The following MYCBP2 variants were observed in gnomAD, a reference collection of about 807,000 sequenced individuals.
MYCBP2 encodes the protein MYC binding protein 2.
MYCBP2 carries 120 observed loss-of-function variants against 525.3 expected under a neutral mutation model. The ratio of observed to expected loss-of-function variants is 0.23; its 90% confidence interval spans 0.20 to 0.27. The LOEUF is 0.27. Ranked by LOEUF, MYCBP2 falls within the 10% of genes least tolerant of loss-of-function variation. The pLI is 1.00. For missense variants in MYCBP2, 4,149 were observed against 5,657.1 expected (o/e 0.73, Z 8.55); for synonymous variants, 1,894 against 1,955.8 (o/e 0.97, Z 0.83).
chr13:77,306,909 C>T (rs1265263136), intron 1 of MYCBP2, among the ~76,000 whole-genome samples: 3 of 151,756 alleles, frequency 2.0e-5, no homozygotes, highest in Non-Finnish European at 4.4e-5. Context: ...ACATGTGTAT[C>T]AAATTTAAAG....
At chr13:77,294,742 T>C (rs1342665106) in intron 2 of MYCBP2, among the ~76,000 whole-genome samples, 1 of 152,204 alleles carries the variant, frequency 6.6e-6, no homozygotes, top group Non-Finnish European at 1.5e-5. Context: ...TGCGCTCCAC[T>C]TCCCTCCTCT....
At chr13:77,161,855 A>G (rs772255097) in intron 44 of MYCBP2, 51 bp downstream of exon 44, 1 of 1,402,592 alleles carries the variant, frequency 7.1e-7, no homozygotes, top group Non-Finnish European at 1.0e-6. Flanking sequence ...GAGTGACAAT[A>G]CTTTTTAAAT....
chr13:77,258,420 G>C (rs1004748871), intron 13 of MYCBP2, among the ~76,000 whole-genome samples: 1 of 151,856 alleles, frequency 6.6e-6, no homozygotes, highest in Non-Finnish European at 1.5e-5. Flanking sequence ...AATATGTTTT[G>C]TATCAACTCT....
chr13:77,151,342 G>T (rs2056424205), intron 46 of MYCBP2, among the ~76,000 whole-genome samples: 1 of 152,156 alleles, frequency 6.6e-6, no homozygotes, highest in East Asian at 1.9e-4. Flanking sequence ...ACATTTTAAA[G>T]CACTAATGTC....
intron 4 of MYCBP2, among the ~76,000 whole-genome samples, chr13:77,275,762 T>C (rs1360669016): frequency 6.6e-6 from 1 of 152,136 alleles, no homozygotes; most frequent in Non-Finnish European, 1.5e-5. Context: ...GGTGGGCAAA[T>C]CACCTGAGGT....
intron 55 of MYCBP2, among the ~76,000 whole-genome samples, chr13:77,107,663 G>A (rs1376414892): frequency 6.6e-6 from 1 of 152,112 alleles, no homozygotes; most frequent in Non-Finnish European, 1.5e-5. Flanking sequence ...ACTAGAGCCT[G>A]GGAGAGGGAG....
Position 77,166,464 on chromosome 13 carries a change from T to A in MYCBP2, c.6205A>T (p.Ile2069Phe), listed in dbSNP as rs766213536. 6.2e-7 allele frequency: 1 copy of A among 1,614,022 alleles called. No individual in the cohort carries two copies. Among genetic ancestry groups the A allele is most frequent in the South Asian group, 1.1e-5 (1 of 91,062 alleles). The change falls in exon 41 of 83, where the codon ATT (isoleucine) becomes TTT (phenylalanine). Residue 2069 changes from isoleucine (I) to phenylalanine (F), a missense_variant. Physicochemically the swap from Ile to Phe is conservative, Grantham distance 21. This residue lies in a region of MYCBP2 where 692 missense variants were observed against 852.7 expected (regional missense o/e 0.81). Coordinates refer to ENST00000544440, the MANE Select transcript of MYCBP2 (RefSeq NM_015057.5). ...GAATTCTGAACAGTTCTGACAGGAA[T>A]CAACAAACGAAGGACATCTTCTGAC... is the stretch of plus-strand genomic sequence containing the variant. ...AQSEDVLRLLIPVRTVQNSGY... is the reference protein window; with the variant it reads ...AQSEDVLRLLFPVRTVQNSGY...
At chr13:77,140,019 T>G in intron 51 of MYCBP2, 28 bp downstream of exon 51, 1 of 1,503,740 alleles carries the variant, frequency 6.7e-7, no homozygotes, top group East Asian at 2.3e-5. Context: ...GTCCAAAATT[T>G]ACTACCAAAA....
Position 77,210,443 on chromosome 13 carries a change from T to C in MYCBP2, c.3416+724A>G, listed in dbSNP as rs552866776. ...TCCTGACCTCGTGATCTGCCCGCCTTGGCCTCCCAAAGTGCTGGGATTACA... is the reference window on the plus strand; with the variant it reads ...TCCTGACCTCGTGATCTGCCCGCCTCGGCCTCCCAAAGTGCTGGGATTACA... On this transcript the variant is annotated intron_variant, in intron 23 of 82. Transcript: ENST00000544440. Among the ~76,000 whole-genome samples the C allele has an allele frequency of 3.6e-3, 554 of 152,192 alleles. 1 individual carries two copies. The highest frequency in any genetic ancestry group is 4.0e-3 in the Non-Finnish European group (272 of 67,992).
chr13:77,232,191 A>T (rs570417078), intron 18 of MYCBP2, among the ~76,000 whole-genome samples: 57 of 152,290 alleles, frequency 3.7e-4, no homozygotes, highest in African/African-American at 1.2e-3. Flanking sequence ...AATTTTTTTA[A>T]ATTAGACTAT....
Position 77,140,922 on chromosome 13 carries a change from A to G in MYCBP2, c.7325T>C (p.Val2442Ala). 6.2e-7 allele frequency: 1 copy of G among 1,610,456 alleles called. No homozygotes were observed. Among genetic ancestry groups the G allele is most frequent in the Non-Finnish European group, 8.5e-7 (1 of 1,179,100 alleles). ...IEIDAGLEVK[V>A]KDPPKGMIPP... is the part of the protein sequence containing the mutation. ...TATCATCCCTTTTGGTGGGTCTTTT[A>G]CTTTTACTTCCAGACCAGCATCTGT... Residue 2442 changes from valine to alanine, a missense_variant, in exon 50 of 83, where the codon GTA becomes GCA. Coordinates refer to ENST00000544440, the MANE Select transcript of MYCBP2 (RefSeq NM_015057.5).
At chr13:77,176,692 T>C in intron 35 of MYCBP2, 64 bp from the exon 36 acceptor site, 1 of 1,211,868 alleles carries the variant, frequency 8.3e-7, no homozygotes, top group Non-Finnish European at 1.1e-6. Flanking sequence ...ATGAACAATT[T>C]TGATTTATAA....
At chr13:77,119,773 G>A (rs969264898) in intron 55 of MYCBP2, among the ~76,000 whole-genome samples, 4 of 152,026 alleles carry the variant, frequency 2.6e-5, no homozygotes, top group Non-Finnish European at 4.4e-5. Context: ...GGAGCGTGTG[G>A]CTATTCACAG....
chr13:77,170,937 G>A (rs573150410), intron 38 of MYCBP2, among the ~76,000 whole-genome samples: 1 of 152,250 alleles, frequency 6.6e-6, no homozygotes, highest in African/African-American at 2.4e-5. Context: ...ACAACTAGAT[G>A]GAGAATGGGG....
chr13:77,111,851 A>G (rs996916754), intron 55 of MYCBP2, among the ~76,000 whole-genome samples: 1 of 152,046 alleles, frequency 6.6e-6, no homozygotes, highest in African/African-American at 2.4e-5. Flanking sequence ...AATTTCCTCC[A>G]TGTGCTCCCT....
intron 52 of MYCBP2, 120 bp from the exon 53 acceptor site, chr13:77,126,662 A>C: frequency 1.6e-6 from 1 of 634,846 alleles, no homozygotes. Flanking sequence ...AAAAACACAT[A>C]ACTAAAGATA....
At chr13:77,324,434 C>G (rs1360351870) in intron 1 of MYCBP2, among the ~76,000 whole-genome samples, 1 of 152,100 alleles carries the variant, frequency 6.6e-6, no homozygotes, top group Non-Finnish European at 1.5e-5. Context: ...AGCCGAAACC[C>G]CAAGTCTACT....
At position 77,081,341 on chromosome 13, in the gene MYCBP2, C is replaced by T; in HGVS notation, c.11418+86G>A. ...GTTGGTGAAATTCCAGGTGATAAAGCTTGTTGCTAAATTCAGAAATGAAAG... is the reference window on the plus strand; with the variant it reads ...GTTGGTGAAATTCCAGGTGATAAAGTTTGTTGCTAAATTCAGAAATGAAAG... On this transcript the variant is annotated intron_variant, in intron 65 of 82. Coordinates refer to ENST00000544440, the MANE Select transcript of MYCBP2 (RefSeq NM_015057.5). This position sits in a 1 kb window ranked among gnomAD's most constrained non-coding sequence, Gnocchi z 4.6. 1.7e-6 allele frequency: 2 copies of T among 1,143,862 alleles called. No homozygotes were observed. Among genetic ancestry groups the T allele is most frequent in the East Asian group, 2.4e-5 (1 of 42,280 alleles). 70.9% of individuals were successfully genotyped at this position (1,143,862 alleles called of 1,614,324 possible).
intron 55 of MYCBP2, among the ~76,000 whole-genome samples, chr13:77,106,244 T>C (rs912845434): frequency 6.6e-5 from 10 of 152,164 alleles, no homozygotes; most frequent in Admixed American, 5.9e-4. Context: ...TGATTGGAAA[T>C]GTTAAATTTC....
Sources: allele counts gnomAD v4.1 joint callset (sites outside exome capture counted in the v4.1 genomes callset), GRCh38; gene constraint gnomAD v4.1.1; regional missense constraint gnomAD v4.1.1; non-coding constraint Gnocchi (gnomAD v3.1); transcripts MANE v1.5; gene names NCBI Gene and HGNC (gene_info 2026-07-23, HGNC 2026-07-21).